MYO10: variants seen among roughly 807,000 people sequenced by gnomAD.
MYO10 encodes myosin X.
MYO10 carries 133 observed loss-of-function variants against 257.3 expected under a neutral mutation model. The observed-to-expected ratio is 0.52, with a 90% confidence interval of 0.45 to 0.60. MYO10 has a LOEUF of 0.60. Among genes scored for constraint, MYO10 ranks in the 20% least tolerant of loss-of-function variants. MYO10 has a pLI of 0.00. For missense variants in MYO10, 2,399 were observed against 2,635.7 expected (o/e 0.91, Z 1.97); for synonymous variants, 1,104 against 1,028.6 (o/e 1.07, Z -1.40).
At chr5:16,880,431 T>C (rs1744726009) in intron 1 of MYO10, among the ~76,000 whole-genome samples, 1 of 151,578 alleles carries the variant, frequency 6.6e-6, no homozygotes, top group South Asian at 2.1e-4. Flanking sequence ...ACTCTCCTAG[T>C]ATCCCCTATT....
At position 16,777,839 on chromosome 5, in the gene MYO10, C is replaced by CCTTTTTTTTTTTTTTTTTTTTT. The variant is rs1560979466; in HGVS notation, c.930+1705_930+1706insAAAAAAAAAAAAAAAAAAAAAG. ...GCCACCCTAGGTGCATTGCATCTAA[C>CCTTTTTTTTTTTTTTTTTTTTT]TTTTTTTTTTTTTTTTTTTTTTTTT... is the stretch of plus-strand genomic sequence containing the variant. On this transcript the variant is annotated intron_variant, in intron 9 of 40. Coordinates refer to ENST00000513610, the MANE Select transcript of MYO10 (RefSeq NM_012334.3). 1.2e-4 allele frequency among the ~76,000 whole-genome samples: 11 copies of CCTTTTTTTTTTTTTTTTTTTTT among 88,474 alleles called. 2 individuals carry two copies. The highest frequency in any genetic ancestry group is 2.7e-4 in the African/African-American group (5 of 18,652). 58.0% of individuals were successfully genotyped at this position (88,474 alleles called of 152,430 possible).
chr5:16,783,599 C>T (rs1741489119), intron 4 of MYO10, 130 bp from the exon 5 acceptor site: 1 of 1,061,642 alleles, frequency 9.4e-7, no homozygotes, highest in Admixed American at 2.8e-5. Context: ...ATCAAAATGC[C>T]TGTTTCCAAA....
chr5:16,770,667 G>C (rs957264075), intron 9 of MYO10, among the ~76,000 whole-genome samples: 1 of 152,246 alleles, frequency 6.6e-6, no homozygotes, highest in Non-Finnish European at 1.5e-5. Flanking sequence ...AGGACCATAG[G>C]AGAGTGGGAA....
intron 1 of MYO10, chr5:16,902,359 G>A (rs1455821801): frequency 6.7e-6 from 8 of 1,201,466 alleles, no homozygotes; most frequent in Admixed American, 1.7e-5. Flanking sequence ...GGGGGTGTTC[G>A]GTCCTTGCGG....
chr5:16,757,853 C>A (rs1740581646), intron 18 of MYO10, among the ~76,000 whole-genome samples: 1 of 152,116 alleles, frequency 6.6e-6, no homozygotes, highest in Non-Finnish European at 1.5e-5. Context: ...TTTGTAGAGA[C>A]AGGATTTCAC....
Position 16,662,067 on chromosome 5 carries a change from CT to C in MYO10, c.*4624del, listed in dbSNP as rs1736004531. The C allele has an allele frequency of 2.0e-5, 3 of 152,150 alleles. No individual in the cohort carries two copies. The highest frequency in any genetic ancestry group is 7.2e-5 in the African/African-American group (3 of 41,446). 9.4% of individuals were successfully genotyped at this position (152,150 alleles called of 1,614,324 possible). A position where few individuals can be genotyped will look rare whatever the true frequency, so the allele number is the denominator to read the frequency against. On this transcript the variant is annotated 3_prime_UTR_variant, in exon 41 of 41. Coordinates refer to ENST00000513610, the MANE Select transcript of MYO10 (RefSeq NM_012334.3). ...ATATTTTCCAGCAATCGTGATGCTT[CT>C]CTGATCAACTGAATGAAACAGTTAT...
At chr5:16,767,273 C>T (rs571398124) in intron 10 of MYO10, among the ~76,000 whole-genome samples, 3 of 148,704 alleles carry the variant, frequency 2.0e-5, no homozygotes, top group African/African-American at 5.0e-5. Context: ...TGGGTTCAAG[C>T]GATTCTCTTG....
chr5:16,682,636 C>T (rs895128139), intron 30 of MYO10, among the ~76,000 whole-genome samples: 4 of 152,148 alleles, frequency 2.6e-5, no homozygotes, highest in Non-Finnish European at 5.9e-5. Context: ...ACTAACTCCT[C>T]TATCTAACGG....
chr5:16,872,224 T>C (rs2126757074), intron 2 of MYO10, among the ~76,000 whole-genome samples: 1 of 152,276 alleles, frequency 6.6e-6, no homozygotes, highest in East Asian at 1.9e-4. Flanking sequence ...GAAAGCTTAG[T>C]TAGAATAGGA....
chr5:16,813,594 G>A (rs78476011), intron 3 of MYO10, among the ~76,000 whole-genome samples: 2,829 of 150,808 alleles, frequency 0.019, 83 homozygotes, highest in African/African-American at 0.065. Flanking sequence ...AGGAGGACAC[G>A]TATGGTGGGC....
chr5:16,725,298 G>A (rs1027998827), intron 19 of MYO10, among the ~76,000 whole-genome samples: 1 of 151,932 alleles, frequency 6.6e-6, no homozygotes, highest in African/African-American at 2.4e-5. Flanking sequence ...GTTTCACCAT[G>A]TTGGCCAGGC....
At chr5:16,693,494 T>A (rs1737599799) in intron 27 of MYO10, among the ~76,000 whole-genome samples, 1 of 152,218 alleles carries the variant, frequency 6.6e-6, no homozygotes, top group Non-Finnish European at 1.5e-5. Context: ...ATCAAATACA[T>A]AAAAGACTTT....
intron 2 of MYO10, among the ~76,000 whole-genome samples, chr5:16,862,274 G>A (rs1021110107): frequency 1.3e-5 from 2 of 152,198 alleles, no homozygotes; most frequent in Admixed American, 6.5e-5. Context: ...GTGCACTGTG[G>A]ATGCCTGGAT....
intron 6 of MYO10, 66 bp downstream of exon 6, chr5:16,781,639 A>G: frequency 6.9e-7 from 1 of 1,457,394 alleles, no homozygotes; most frequent in Non-Finnish European, 9.4e-7. Flanking sequence ...AATCCTTATA[A>G]TTAGTGAGAA....
chr5:16,918,225 C>T (rs758895986), intron 1 of MYO10, among the ~76,000 whole-genome samples: 11 of 152,134 alleles, frequency 7.2e-5, no homozygotes, highest in Non-Finnish European at 1.3e-4. Context: ...AGTCCAAAAG[C>T]CCAAAGCTGT....
In MYO10 at chr5:16,936,160, G is replaced by T. The variant is rs992569901; in HGVS notation, c.-352C>A. 2 of 318,378 alleles carry T rather than the reference G, an allele frequency of 6.3e-6. No individual in the cohort carries two copies. Among genetic ancestry groups the T allele is most frequent in the East Asian group, 7.6e-5 (1 of 13,138 alleles). The allele number at this position is 318,378 out of a possible 1,614,324, so 19.7% of individuals were successfully genotyped here. On this transcript the variant is annotated 5_prime_UTR_variant, in exon 1 of 41. Coordinates refer to ENST00000513610, the MANE Select transcript of MYO10 (RefSeq NM_012334.3). ...GCGCGGCCCCCTCCCTCTGCGCTCC[G>T]GCCGGGGGCCCTCGGGGCGGGCAGG...
At chr5:16,744,746 T>C (rs1230774930) in intron 19 of MYO10, among the ~76,000 whole-genome samples, 1 of 149,240 alleles carries the variant, frequency 6.7e-6, no homozygotes, top group African/African-American at 2.5e-5. Context: ...ACAAACAACA[T>C]GAAAGCAAAC....
At chr5:16,721,179 C>G in intron 19 of MYO10, among the ~76,000 whole-genome samples, 1 of 152,188 alleles carries the variant, frequency 6.6e-6, no homozygotes, top group South Asian at 2.1e-4. Context: ...AGTCCTGTAA[C>G]TACTAAGAAA....
intron 9 of MYO10, among the ~76,000 whole-genome samples, chr5:16,779,336 A>C (rs1174554553): frequency 6.6e-6 from 1 of 152,146 alleles, no homozygotes; most frequent in Admixed American, 6.5e-5. Context: ...TCTTCTAAGG[A>C]AAGAAGAGTC....
Sources: gnomAD v4.1 joint callset for allele counts (sites outside exome capture counted in the v4.1 genomes callset) on GRCh38, gnomAD v4.1.1 for gene constraint, MANE v1.5 for transcripts, NCBI Gene and HGNC (gene_info 2026-07-23, HGNC 2026-07-21) for gene names.